L3MBTL1: variants seen among roughly 807,000 people sequenced by gnomAD.
The protein encoded by L3MBTL1 is lethal(3)malignant brain tumor-like protein 1.
In L3MBTL1, 75 loss-of-function variants were observed where a neutral mutation model predicts 105.3. The ratio of observed to expected loss-of-function variants is 0.71; its 90% CI spans 0.59 to 0.86. The LOEUF is 0.86. L3MBTL1 is among the 40% of genes least tolerant of loss of function. The pLI, the probability that L3MBTL1 is intolerant of heterozygous loss-of-function variation, is 0.00. For missense variants in L3MBTL1, 1,069 were observed against 1,126.4 expected (o/e 0.95, Z 0.73); for synonymous variants, 452 against 436.2 (o/e 1.04, Z -0.45).
downstream of L3MBTL1, among the ~76,000 whole-genome samples, chr20:43,545,307 G>A (rs1049258225): frequency 1.3e-5 from 2 of 151,758 alleles, no homozygotes; most frequent in Non-Finnish European, 2.9e-5. Flanking sequence ...GAAGGTTGCA[G>A]TGAGCTGAGA....
At chr20:43,514,552 G>A (rs373307596) in intron 3 of L3MBTL1, 83 bp from the exon 4 acceptor site, 9 of 1,590,494 alleles carry the variant, frequency 5.7e-6, no homozygotes, top group Non-Finnish European at 7.7e-6. Context: ...GGCATGAGGC[G>A]AAGAGAGGGC....
intron 19 of L3MBTL1, 28 bp downstream of exon 19, chr20:43,536,486 C>T (rs771475380): frequency 8.1e-6 from 13 of 1,611,882 alleles, no homozygotes; most frequent in South Asian, 1.1e-5. Context: ...GCTCCTATGT[C>T]CTCCACCACA....
At chr20:43,530,981 C>T (rs759565695) in intron 11 of L3MBTL1, 92 bp downstream of exon 11, 30 of 1,007,186 alleles carry the variant, frequency 3.0e-5, no homozygotes, top group Admixed American at 4.9e-5. Context: ...GAAGGGAGCT[C>T]ATGTGCTGGT....
At chr20:43,547,102 C>CTTTTTTTTTTTTTTTTTTTTTTTT (rs11478523) in intron 18 of L3MBTL1, among the ~76,000 whole-genome samples, 1 of 122,646 alleles carries the variant, frequency 8.2e-6, no homozygotes, top group Non-Finnish European at 1.7e-5. Flanking sequence ...TTTTTAATGA[C>CTTTTTTTTTTTTTTTTTTTTTTTT]TTTTTTTTTT....
At chr20:43,514,105 A>G (rs1245901067) in intron 3 of L3MBTL1, 44 bp downstream of exon 3, 3 of 1,482,568 alleles carry the variant, frequency 2.0e-6, no homozygotes, top group Non-Finnish European at 2.7e-6. Flanking sequence ...AACCGCAGCC[A>G]TGGGGCGGGG....
chr20:43,525,076 G>C (rs2018954769), intron 7 of L3MBTL1, among the ~76,000 whole-genome samples: 1 of 150,832 alleles, frequency 6.6e-6, no homozygotes, highest in African/African-American at 2.4e-5. Flanking sequence ...GAGATAACTA[G>C]GAGTTGGAAT....
chr20:43,548,127 C>T (rs1300393843), exon 19 of L3MBTL1: 1 of 1,304,128 alleles, frequency 7.7e-7, no homozygotes, highest in South Asian at 1.2e-5. Flanking sequence ...GACGGCGAGG[C>T]CTTCCTTTTG....
chr20:43,524,565 T>G (rs1375736454), intron 7 of L3MBTL1, among the ~76,000 whole-genome samples: 1 of 152,098 alleles, frequency 6.6e-6, no homozygotes, highest in Non-Finnish European at 1.5e-5. Context: ...CCTGCTGGAG[T>G]ATAGAAAGGT....
rs903190823 is a variant in L3MBTL1 at position 43,547,962 on chromosome 20, C to A, written c.2125-149C>A. 24 of 354,264 alleles carry A rather than the reference C, an allele frequency of 6.8e-5. 1 individual carries two copies. The highest frequency in any genetic ancestry group is 3.3e-4 in the Admixed American group (8 of 24,384). The allele number at this position is 354,264 out of a possible 1,614,324, so 21.9% of individuals were successfully genotyped here. A position where few individuals can be genotyped will look rare whatever the true frequency, so the allele number is the denominator to read the frequency against. ...CTCCTTTCTCCCGGTCCTTTCTCTC[C>A]CCTTCTCTCCTCCTTCCCTTTCTCC... On this transcript the variant is annotated intron_variant, in intron 18 of 18. Transcript: ENST00000422861.
At chr20:43,514,460 G>A (rs1290677376) in intron 3 of L3MBTL1, 175 bp from the exon 4 acceptor site, 3 of 1,507,288 alleles carry the variant, frequency 2.0e-6, no homozygotes, top group East Asian at 2.5e-5. Flanking sequence ...TGGGGGCGTA[G>A]CCTGGAGTGA....
intron 9 of L3MBTL1, among the ~76,000 whole-genome samples, chr20:43,529,852 G>C (rs1021790181): frequency 5.3e-5 from 8 of 152,242 alleles, no homozygotes. Flanking sequence ...AAGGAGCAAA[G>C]TGGGCAAAAG....
At chr20:43,509,899 T>C (rs2018086009) in intron 1 of L3MBTL1, among the ~76,000 whole-genome samples, 1 of 152,232 alleles carries the variant, frequency 6.6e-6, no homozygotes, top group African/African-American at 2.4e-5. Flanking sequence ...GGTCTCATTT[T>C]GTCACTCAGG....
chr20:43,514,808 G>A, intron 4 of L3MBTL1, 32 bp downstream of exon 4: 1 of 1,519,504 alleles, frequency 6.6e-7, no homozygotes, highest in South Asian at 1.3e-5. Flanking sequence ...CCCTGAGCTG[G>A]GCCCTGTGCG....
At position 43,540,209 on chromosome 20, in the gene L3MBTL1, T is replaced by C. The variant is rs1484413478; in HGVS notation, c.2232T>C (p.Pro744=). ...SLFMSALSAH[P]DRSLSVCWEQ... ...TCATGTCAGCCCTGTCGGCCCACCC[T>C]GACCGCTCACTCTCAGTGTGCTGGG... Residue 744 remains proline (P), a synonymous_variant, in exon 20 of 22, where the codon CCT becomes CCC. Transcript: ENST00000418998. 3 of 1,613,706 alleles carry C rather than the reference T, an allele frequency of 1.9e-6. No individual in the cohort carries two copies. The highest frequency in any genetic ancestry group is 2.5e-6 in the Non-Finnish European group (3 of 1,180,016).
At chr20:43,544,707 G>A (rs1189831207), downstream of L3MBTL1, among the ~76,000 whole-genome samples, 7 of 152,186 alleles carry the variant, frequency 4.6e-5, no homozygotes, top group African/African-American at 1.7e-4. Context: ...GTTCACTCCT[G>A]TAATCCCAGC....
downstream of L3MBTL1, among the ~76,000 whole-genome samples, chr20:43,544,419 C>A (rs1346112513): frequency 6.6e-6 from 1 of 152,146 alleles, no homozygotes; most frequent in Non-Finnish European, 1.5e-5. Context: ...ATTTCCTCTA[C>A]CTTCAAGGTC....
intron 8 of L3MBTL1, 44 bp downstream of exon 8, chr20:43,528,789 C>T: frequency 6.9e-7 from 1 of 1,446,406 alleles, no homozygotes; most frequent in African/African-American, 1.4e-5. Flanking sequence ...GTCTTCCTAG[C>T]CTAGGGACAC....
downstream of L3MBTL1, among the ~76,000 whole-genome samples, chr20:43,544,608 G>A (rs1184474660): frequency 1.3e-5 from 2 of 152,142 alleles, no homozygotes; most frequent in African/African-American, 2.4e-5. Flanking sequence ...GGCAGTTACC[G>A]TGGGTGAGAA....
At chr20:43,515,674 C>A in intron 6 of L3MBTL1, 1 of 496,464 alleles carries the variant, frequency 2.0e-6, no homozygotes, top group Admixed American at 3.3e-5. Context: ...GAACTAGCAC[C>A]CAAAGTACAT....
Sources: gnomAD v4.1 joint callset for allele counts (sites outside exome capture counted in the v4.1 genomes callset) on GRCh38, gnomAD v4.1.1 for gene constraint, MANE v1.5 for transcripts, NCBI Gene and HGNC (gene_info 2026-07-23, HGNC 2026-07-21) for gene names.